Variants in HCN4 observed in about 807,000 individuals in gnomAD.
The protein encoded by HCN4 is potassium/sodium hyperpolarization-activated cyclic nucleotide-gated channel 4.
A neutral mutation model predicts 76.9 loss-of-function variants in HCN4; 29 were observed. That is an observed-to-expected ratio of 0.38 (90% CI 0.28 to 0.51). The LOEUF is 0.51. HCN4 is among the 20% of genes least tolerant of loss of function. HCN4 has a pLI of 0.90. For synonymous variants in HCN4, 772 were observed against 762.5 expected (o/e 1.01, Z -0.21); for missense variants, 1,416 against 1,715.2 (o/e 0.83, Z 3.08).
Position 73,368,371 on chromosome 15 carries a change from C to G in HCN4, c.-101G>C. ...GGTCAGTCCGCCCGTGGGGACGCGT[C>G]CTTTGCCGCCGGCGTGGGGGCAGCC... On this transcript the variant is annotated 5_prime_UTR_variant, in exon 1 of 8. Transcript: ENST00000261917. The surrounding 1 kb of genome is among the most constrained non-coding windows in gnomAD (Gnocchi z 6.9). The G allele has an allele frequency of 1.2e-6, 1 of 803,900 alleles. No individual in the cohort carries two copies. Among genetic ancestry groups the G allele is most frequent in the Non-Finnish European group, 1.7e-6 (1 of 584,136 alleles). 49.8% of individuals were successfully genotyped at this position (803,900 alleles called of 1,614,324 possible).
At chr15:73,329,191 G>A (rs55853625) in intron 4 of HCN4, among the ~76,000 whole-genome samples, 47,050 of 152,056 alleles carry the variant, frequency 0.31, 8,949 homozygotes, top group Admixed American at 0.44. Context: ...GCAGGGGACT[G>A]GCCAGAGGGG....
chr15:73,368,165 C>T lies in HCN4; in HGVS notation c.106G>A (p.Gly36Arg), dbSNP rs886039001. ...MDEEEDAEEE[G>R]AGGRQDPSRR... ...CTGGGGTCTTGGCGGCCCCCGGCCC[C>T]CTCCTCCTCGGCGTCCTCTTCCTCG... Residue 36 changes from glycine (G) to arginine (R), a missense_variant, in exon 1 of 8, where the codon GGG becomes AGG. This residue lies in a region of HCN4 where 355 missense variants were observed against 347.8 expected (regional missense o/e 1.02). Transcript: ENST00000261917. This position sits in a 1 kb window ranked among gnomAD's most constrained non-coding sequence, Gnocchi z 6.9. The T allele has an allele frequency of 2.0e-6, 3 of 1,529,408 alleles. No homozygotes were observed. Among genetic ancestry groups the T allele is most frequent in the Non-Finnish European group, 2.6e-6 (3 of 1,139,610 alleles). The allele number at this position is 1,529,408 out of a possible 1,614,324, so 94.7% of individuals were successfully genotyped here.
rs930389109 is a variant in HCN4 at position 73,326,102 on chromosome 15, G to A, written c.1591-658C>T. 4.6e-5 allele frequency among the ~76,000 whole-genome samples: 7 copies of A among 152,198 alleles called. No individual in the cohort carries two copies. In the East Asian group the frequency reaches 7.7e-4, roughly 17 times the overall value. On this transcript the variant is annotated intron_variant, in intron 4 of 7. Coordinates refer to ENST00000261917, the MANE Select transcript of HCN4 (RefSeq NM_005477.3). ...CCTGGGGCTCAAACAAATAAGAAAC[G>A]ATCCTGCCCGCCCTCACTGAGAGGA...
At position 73,321,615 on chromosome 15, in the gene HCN4, G is replaced by T; in HGVS notation, c.*866C>A. 1 of 152,836 alleles carries T rather than the reference G, an allele frequency of 6.5e-6. No homozygotes were observed. The allele number at this position is 152,836 out of a possible 1,614,324, so 9.5% of individuals were successfully genotyped here. On this transcript the variant is annotated 3_prime_UTR_variant, in exon 8 of 8. Transcript: ENST00000261917. ...GTGGCGGTGTGTGCTTGAGGCCCTA[G>T]GAAAGGGGAGTCTTCCACTTCCGTG...
rs141188237 is a variant in HCN4 at position 73,367,162 on chromosome 15, G to A, written c.785+324C>T. Among the ~76,000 whole-genome samples, 290 of 152,326 alleles carry A rather than the reference G, an allele frequency of 1.9e-3. 2 individuals are homozygous for A. The highest frequency in any genetic ancestry group is 1.6e-3 in the Non-Finnish European group (107 of 68,014). ...ATGGCCATCCTGACTCTGCAGCCTT[G>A]AAGGGGGAGGAGGAATATGTGGCTT... On this transcript the variant is annotated intron_variant, in intron 1 of 7. Coordinates refer to ENST00000261917, the MANE Select transcript of HCN4 (RefSeq NM_005477.3). This position sits in a 1 kb window ranked among gnomAD's most constrained non-coding sequence, Gnocchi z 7.5.
intron 4 of HCN4, among the ~76,000 whole-genome samples, chr15:73,326,933 C>T (rs2151216149): frequency 6.6e-6 from 1 of 151,612 alleles, no homozygotes; most frequent in East Asian, 1.9e-4. Flanking sequence ...ACTATAGGCA[C>T]ATGCCACCAC....
chr15:73,355,704 C>G (rs557507381), intron 1 of HCN4, among the ~76,000 whole-genome samples: 1 of 152,330 alleles, frequency 6.6e-6, no homozygotes, highest in South Asian at 2.1e-4. Context: ...GCTAATTCCT[C>G]CTCTGCAGAC....
chr15:73,340,879 CG>C (rs1283688971), intron 2 of HCN4: 1 of 152,218 alleles, frequency 6.6e-6, no homozygotes, highest in East Asian at 1.9e-4. Context: ...TCTGAGAAGG[CG>C]GGAAGTGCAT....
chr15:73,346,162 A>G (rs950368562), intron 1 of HCN4, among the ~76,000 whole-genome samples: 2 of 152,062 alleles, frequency 1.3e-5, no homozygotes, highest in Non-Finnish European at 2.9e-5. Flanking sequence ...CCCACAAACC[A>G]CTACCCTGGA....
In HCN4 at chr15:73,367,839, C is replaced by A; in HGVS notation, c.432G>T (p.Thr144=). ...CGGGCTCGGCCGCCAGGCCTGGGGG[C>A]GTCCTGTCCTCGCCGGGGGACGCGT... The part of the protein sequence containing the change: ...EGDASPGEDR[T]PPGLAAEPER... The change falls in exon 1 of 8, where the codon ACG becomes ACT. Residue 144 remains threonine, a synonymous_variant. Transcript: ENST00000261917. The surrounding 1 kb of genome is among the most constrained non-coding windows in gnomAD (Gnocchi z 7.5). 7 of 1,259,310 alleles carry A rather than the reference C, an allele frequency of 5.6e-6. No homozygotes were observed. Among genetic ancestry groups the A allele is most frequent in the East Asian group, 3.4e-5 (1 of 29,726 alleles). 78.0% of individuals were successfully genotyped at this position (1,259,310 alleles called of 1,614,324 possible).
Position 73,367,759 on chromosome 15 carries a change from G to A in HCN4, c.512C>T (p.Pro171Leu). 6.5e-7 allele frequency: 1 copy of A among 1,530,844 alleles called. No homozygotes were observed. The highest frequency in any genetic ancestry group is 2.2e-4 in the Middle Eastern group (1 of 4,458). The allele number at this position is 1,530,844 out of a possible 1,614,324, so 94.8% of individuals were successfully genotyped here. The change falls in exon 1 of 8, where the codon CCA becomes CTA. Residue 171 changes from proline to leucine, a missense_variant. Transcript: ENST00000261917. The surrounding 1 kb of genome is among the most constrained non-coding windows in gnomAD (Gnocchi z 7.5). ...PAASPPPPQQ[P>L]PQPASASCEQ... ...GCAGGAGGCGGAGGCCGGCTGCGGT[G>A]GCTGCTGGGGCGGCGGCGGCGAGGC...
rs1471277700 is a variant in HCN4, at chr15:73,325,126, A to G, written c.1807T>C (p.Phe603Leu). 5 of 1,614,194 alleles carry G rather than the reference A, an allele frequency of 3.1e-6. No homozygotes were observed. Among genetic ancestry groups the G allele is most frequent in the Non-Finnish European group, 4.2e-6 (5 of 1,180,040 alleles). The change falls in exon 6 of 8, where the codon TTC (phenylalanine) becomes CTC (leucine). Residue 603 changes from phenylalanine to leucine, a missense_variant. Transcript: ENST00000261917. The surrounding 1 kb of genome is among the most constrained non-coding windows in gnomAD (Gnocchi z 7.4). ...MPLFANADPNFVTSMLTKLRF... is the reference protein window; with the variant it reads ...MPLFANADPNLVTSMLTKLRF... ...AGCTTGGTCAGCATGGACGTCACGAAGTTGGGGTCCGCATTGGCAAACAGT... is the reference window on the plus strand; with the variant it reads ...AGCTTGGTCAGCATGGACGTCACGAGGTTGGGGTCCGCATTGGCAAACAGT...
At chr15:73,324,561 G>C (rs964804233) in intron 6 of HCN4, among the ~76,000 whole-genome samples, 3 of 152,226 alleles carry the variant, frequency 2.0e-5, no homozygotes, top group Non-Finnish European at 4.4e-5. Context: ...TAGATCACGA[G>C]GGTGGAGCCC....
chr15:73,332,560 G>A (rs1018636044), intron 2 of HCN4, among the ~76,000 whole-genome samples: 8 of 152,198 alleles, frequency 5.3e-5, no homozygotes, highest in Admixed American at 5.2e-4. Context: ...AGCCATCCAG[G>A]ACATGTGGAA....
chr15:73,320,075 G>A lies in HCN4; in HGVS notation c.*2406C>T, dbSNP rs2042847348. ...GTAGAGAAGAGGGTGGTTAGGCCAG[G>A]CTCTGATGGCAAGGGGGCTCCTCAT... On this transcript the variant is annotated 3_prime_UTR_variant, in exon 8 of 8. Coordinates refer to ENST00000261917, the MANE Select transcript of HCN4 (RefSeq NM_005477.3). 6.6e-6 allele frequency: 1 copy of A among 152,304 alleles called. No homozygotes were observed. The allele number at this position is 152,304 out of a possible 1,614,324, so 9.4% of individuals were successfully genotyped here.
At chr15:73,363,567 G>A (rs1322554726) in intron 1 of HCN4, among the ~76,000 whole-genome samples, 1 of 152,120 alleles carries the variant, frequency 6.6e-6, no homozygotes, top group Non-Finnish European at 1.5e-5. Context: ...CAACTTAGGG[G>A]GCCACAGACA....
At position 73,367,064 on chromosome 15, in the gene HCN4, G is replaced by GC. The variant is rs1489765796; in HGVS notation, c.785+421dup. On this transcript the variant is annotated intron_variant, in intron 1 of 7. Transcript: ENST00000261917. The surrounding 1 kb of genome is among the most constrained non-coding windows in gnomAD (Gnocchi z 7.5). ...CCTGCTGTCAGCACCCAAGGAGCTG[G>GC]CCCGTTGCTAAGAGGTCTGTCTCTC... 1.3e-5 allele frequency among the ~76,000 whole-genome samples: 2 copies of GC among 152,208 alleles called. No homozygotes were observed. Among genetic ancestry groups the GC allele is most frequent in the African/African-American group, 4.8e-5 (2 of 41,454 alleles).
In HCN4 at chr15:73,367,649, G is replaced by A. The variant is rs1240716655; in HGVS notation, c.622C>T (p.Leu208=). ...DQILPEAEVR[L]GQAGFMQRQF... The stretch of plus-strand genomic sequence containing the variant: ...CGCTGCATGAAGCCGGCCTGGCCCA[G>A]GCGCACCTCGGCCTCCGGGAGGATC... The change falls in exon 1 of 8, where the codon CTG becomes TTG. Residue 208 remains leucine (L), a synonymous_variant. Transcript: ENST00000261917. This position sits in a 1 kb window ranked among gnomAD's most constrained non-coding sequence, Gnocchi z 7.5. 6.2e-7 allele frequency: 1 copy of A among 1,610,114 alleles called. No individual in the cohort carries two copies. The highest frequency in any genetic ancestry group is 1.3e-5 in the African/African-American group (1 of 74,940).
In HCN4 at chr15:73,367,914, G is replaced by A. The variant is rs2043136636; in HGVS notation, c.357C>T (p.His119=). ...GSGGTGSGSS[H]GHLHDSAEER... ...CCTCCGCGGAGTCATGCAGGTGTCC[G>A]TGACTGCTGCCGCTCCCCGTGCCGC... Residue 119 remains histidine (H), a synonymous_variant, in exon 1 of 8, where the codon CAC becomes CAT. Transcript: ENST00000261917. The surrounding 1 kb of genome is among the most constrained non-coding windows in gnomAD (Gnocchi z 7.5). 1.4e-6 allele frequency: 2 copies of A among 1,383,708 alleles called. No individual in the cohort carries two copies. Among genetic ancestry groups the A allele is most frequent in the East Asian group, 3.0e-5 (1 of 33,734 alleles). 85.7% of individuals were successfully genotyped at this position (1,383,708 alleles called of 1,614,324 possible).
Sources: allele counts gnomAD v4.1 joint callset (sites outside exome capture counted in the v4.1 genomes callset), GRCh38; gene constraint gnomAD v4.1.1; regional missense constraint gnomAD v4.1.1; non-coding constraint Gnocchi (gnomAD v3.1); transcripts MANE v1.5; gene names NCBI Gene and HGNC (gene_info 2026-07-23, HGNC 2026-07-21).